TSPAN12: variants seen among roughly 807,000 people sequenced by gnomAD.
TSPAN12 encodes the protein tetraspanin 12, also known as tetraspanin-12.
A neutral mutation model predicts 39.2 loss-of-function variants in TSPAN12; 19 were observed. The observed-to-expected ratio is 0.49, with a 90% CI of 0.34 to 0.71. The LOEUF (loss-of-function observed/expected upper bound fraction) is 0.71, where lower values mean the gene tolerates loss of function less well. TSPAN12 is among the 30% of genes least tolerant of loss of function. TSPAN12 has a pLI of 0.01. For missense variants in TSPAN12, 314 were observed against 359.9 expected (o/e 0.87, Z 1.03); for synonymous variants, 119 against 124.8 (o/e 0.95, Z 0.31).
intron 5 of TSPAN12, 65 bp from the exon 6 acceptor site, chr7:120,810,635 C>CACAT: frequency 1.3e-6 from 1 of 793,066 alleles, no homozygotes. Context: ...CACACACACA[C>CACAT]ACACACACAC....
chr7:120,788,600 C>A lies in TSPAN12; in HGVS notation c.910G>T (p.Glu304Ter). ...TTCTGTGACATTTCTTTTTATAACT[C>A]CTCCATCTCAAAGTGTGTATTAAAG... Reference protein sequence around the residue: ...NSFNTHFEMEEL With the variant: ...NSFNTHFEME The change falls in exon 8 of 8, where the codon GAG (glutamate) becomes TAG (stop). Residue 304 changes from glutamate (E) to a stop codon, truncating the protein, a stop_gained. Transcript: ENST00000222747. LOFTEE classifies it high-confidence loss of function. 5 of 1,614,068 alleles carry A rather than the reference C, an allele frequency of 3.1e-6. No homozygotes were observed. The highest frequency in any genetic ancestry group is 3.4e-6 in the Non-Finnish European group (4 of 1,179,966).
At chr7:120,817,695 A>G (rs1794110966) in intron 4 of TSPAN12, among the ~76,000 whole-genome samples, 1 of 152,140 alleles carries the variant, frequency 6.6e-6, no homozygotes, top group Non-Finnish European at 1.5e-5. Flanking sequence ...TACAGAGGCA[A>G]GCAGCAAAAA....
At chr7:120,794,985 TA>T (rs1193398011) in intron 7 of TSPAN12, among the ~76,000 whole-genome samples, 1 of 152,222 alleles carries the variant, frequency 6.6e-6, no homozygotes, top group Non-Finnish European at 1.5e-5. Flanking sequence ...TCTTGAAAAG[TA>T]AGACATTAAG....
intron 5 of TSPAN12, among the ~76,000 whole-genome samples, chr7:120,813,841 C>T (rs1399445809): frequency 6.6e-6 from 1 of 152,202 alleles, no homozygotes; most frequent in East Asian, 1.9e-4. Flanking sequence ...TATCACTCCC[C>T]TAATAAAGTT....
chr7:120,853,871 C>G (rs1266904328), intron 2 of TSPAN12, among the ~76,000 whole-genome samples: 2 of 132,162 alleles, frequency 1.5e-5, no homozygotes, highest in Non-Finnish European at 3.2e-5. Context: ...AGACTCCGTC[C>G]CAAAAAAAAA....
intron 4 of TSPAN12, among the ~76,000 whole-genome samples, chr7:120,824,616 T>C (rs1169824069): frequency 6.6e-6 from 1 of 152,190 alleles, no homozygotes; most frequent in Non-Finnish European, 1.5e-5. Flanking sequence ...TCTCAATGAA[T>C]GAAAAAGTAA....
intron 7 of TSPAN12, among the ~76,000 whole-genome samples, chr7:120,790,021 C>G: frequency 6.6e-6 from 1 of 152,092 alleles, no homozygotes; most frequent in East Asian, 1.9e-4. Flanking sequence ...ACCAATCTTT[C>G]GTGCCCTGTG....
chr7:120,799,705 ATAT>A (rs904627902), intron 7 of TSPAN12, among the ~76,000 whole-genome samples: 21 of 116,420 alleles, frequency 1.8e-4, no homozygotes, highest in African/African-American at 6.9e-4. Flanking sequence ...TATAATTATT[ATAT>A]TATATTAAAT....
intron 7 of TSPAN12, among the ~76,000 whole-genome samples, chr7:120,795,989 ACC>A (rs1268429989): frequency 6.6e-6 from 1 of 152,210 alleles, no homozygotes; most frequent in African/African-American, 2.4e-5. Flanking sequence ...ATCTCATTTA[ACC>A]CTCGCAATAT....
At chr7:120,839,504 G>T (rs1794539136) in intron 3 of TSPAN12, among the ~76,000 whole-genome samples, 1 of 151,864 alleles carries the variant, frequency 6.6e-6, no homozygotes, top group Non-Finnish European at 1.5e-5. Flanking sequence ...CTGTGTTAAG[G>T]ACTTGAAAAA....
In TSPAN12 at chr7:120,794,978, T is replaced by C. The variant is rs564026614; in HGVS notation, c.613-6081A>G. 3.5e-4 allele frequency among the ~76,000 whole-genome samples: 53 copies of C among 152,340 alleles called. 1 individual carries two copies. The highest frequency in any genetic ancestry group is 5.7e-4 in the Non-Finnish European group (39 of 68,026). ...TACATTTTTCAGTGTAAACTTGTCT[T>C]GAAAAGTAAGACATTAAGTCTAGAT... On this transcript the variant is annotated intron_variant, in intron 7 of 7. Transcript: ENST00000222747.
chr7:120,853,090 A>ATT (rs11431943), intron 2 of TSPAN12, among the ~76,000 whole-genome samples: 28,685 of 141,870 alleles, frequency 0.2, 2,977 homozygotes, highest in African/African-American at 0.22. Context: ...ATCCCAGCAG[A>ATT]TTTTTTTTTT....
At chr7:120,810,591 A>C (rs1793959960) in intron 5 of TSPAN12, 21 bp from the exon 6 acceptor site, 2 of 1,400,408 alleles carry the variant, frequency 1.4e-6, no homozygotes, top group Non-Finnish European at 2.0e-6. Context: ...AAAGCAAAAT[A>C]TCAACAGCTG....
At chr7:120,846,523 A>T (rs1346807457) in intron 2 of TSPAN12, among the ~76,000 whole-genome samples, 1 of 152,288 alleles carries the variant, frequency 6.6e-6, no homozygotes, top group African/African-American at 2.4e-5. Flanking sequence ...CAACAAAAAA[A>T]GTGTATATCT....
intron 2 of TSPAN12, among the ~76,000 whole-genome samples, chr7:120,840,701 C>T (rs1394957674): frequency 6.7e-6 from 1 of 150,030 alleles, no homozygotes; most frequent in Non-Finnish European, 1.5e-5. Flanking sequence ...GTTGAATACT[C>T]AACTCATTAT....
chr7:120,818,541 G>C (rs971491914), intron 4 of TSPAN12, among the ~76,000 whole-genome samples: 5 of 151,864 alleles, frequency 3.3e-5, no homozygotes, highest in Non-Finnish European at 7.4e-5. Flanking sequence ...TATAGAAAAT[G>C]GGGCTGATTT....
chr7:120,815,711 T>C lies in TSPAN12; in HGVS notation c.360+18A>G, dbSNP rs762587336. 5.0e-6 allele frequency: 8 copies of C among 1,603,886 alleles called. No homozygotes were observed. Among genetic ancestry groups the C allele is most frequent in the Non-Finnish European group, 6.8e-6 (8 of 1,172,494 alleles). On this transcript the variant is annotated intron_variant, in intron 5 of 7. Coordinates refer to ENST00000222747, the MANE Select transcript of TSPAN12 (RefSeq NM_012338.4). ...GAACTGTTGTTTTAGATTGTGATTA[T>C]ATCTATTTTGAACTCACCATAAGTT...
intron 4 of TSPAN12, among the ~76,000 whole-genome samples, chr7:120,821,349 C>T (rs935381925): frequency 6.6e-6 from 1 of 150,866 alleles, no homozygotes; most frequent in African/African-American, 2.4e-5. Flanking sequence ...AAATAACTTT[C>T]GGTTCAAAGA....
chr7:120,808,392 C>G (rs1343961248), intron 6 of TSPAN12, among the ~76,000 whole-genome samples: 1 of 152,072 alleles, frequency 6.6e-6, no homozygotes, highest in Admixed American at 6.6e-5. Flanking sequence ...TTTAAGTAAG[C>G]CCAACATCAT....
Sources: allele counts gnomAD v4.1 joint callset (sites outside exome capture counted in the v4.1 genomes callset), GRCh38; gene constraint gnomAD v4.1.1; transcripts MANE v1.5; gene names NCBI Gene and HGNC (gene_info 2026-07-23, HGNC 2026-07-21).